The following UNC13C variants were observed in gnomAD, a reference collection of about 807,000 sequenced individuals.
UNC13C encodes the protein unc-13 homolog C, also known as protein unc-13 homolog C.
UNC13C carries 174 observed loss-of-function variants against 245.4 expected under a neutral mutation model. The observed-to-expected ratio is 0.71, with a 90% confidence interval of 0.63 to 0.80. UNC13C has a LOEUF of 0.80. Ranked by LOEUF, UNC13C falls within the 30% of genes least tolerant of loss-of-function variation. The probability of loss-of-function intolerance (pLI) is 0.00; values close to 1 mark genes in which losing one functional copy is unlikely to be tolerated. For synonymous variants in UNC13C, 992 were observed against 895.1 expected (o/e 1.11, Z -1.93); for missense variants, 2,829 against 2,602.9 (o/e 1.09, Z -1.89).
chr15:54,554,359 C>T (rs1425148050), intron 28 of UNC13C, among the ~76,000 whole-genome samples: 1 of 151,988 alleles, frequency 6.6e-6, no homozygotes, highest in Non-Finnish European at 1.5e-5. Context: ...AAAATGCATA[C>T]CTAAAGGAGC....
chr15:54,520,563 C>T (rs1250567659), intron 24 of UNC13C, among the ~76,000 whole-genome samples: 1 of 151,692 alleles, frequency 6.6e-6, no homozygotes, highest in African/African-American at 2.4e-5. Flanking sequence ...AAGGGGAGTA[C>T]AGAGTAAAAA....
chr15:54,453,550 C>A (rs143645377), intron 19 of UNC13C, among the ~76,000 whole-genome samples: 1 of 152,290 alleles, frequency 6.6e-6, no homozygotes, highest in African/African-American at 2.4e-5. Context: ...TTTTTAAGTA[C>A]TGTAAATAAT....
chr15:54,007,142 A>T (rs1895175644), intron 1 of UNC13C, among the ~76,000 whole-genome samples: 2 of 152,200 alleles, frequency 1.3e-5, no homozygotes, highest in African/African-American at 4.8e-5. Context: ...GCATTTACTG[A>T]TGAGGTGCTG....
chr15:54,547,636 T>C (rs956191881), intron 27 of UNC13C, among the ~76,000 whole-genome samples: 2 of 152,224 alleles, frequency 1.3e-5, no homozygotes, highest in African/African-American at 4.8e-5. Flanking sequence ...GAAAACACTT[T>C]CTTATAAAGT....
chr15:54,362,215 C>T (rs1161891289), intron 17 of UNC13C, among the ~76,000 whole-genome samples: 1 of 152,228 alleles, frequency 6.6e-6, no homozygotes, highest in Non-Finnish European at 1.5e-5. Flanking sequence ...CACTCCCAGT[C>T]TTTCCAGTGG....
rs1203465340 is a variant in UNC13C at position 54,626,955 on chromosome 15, G to C, written c.6487G>C (p.Gly2163Arg). The C allele has an allele frequency of 1.9e-6, 3 of 1,613,460 alleles. No individual in the cohort carries two copies. The change falls in exon 33 of 33, where the codon GGA (glycine) becomes CGA (arginine). Residue 2163 changes from glycine to arginine, a missense_variant. Transcript: ENST00000260323. ...VIQLQNIAEKGSYGAWYPLLK... is the reference protein window; with the variant it reads ...VIQLQNIAEKRSYGAWYPLLK... ...TCAGCTACAGAACATAGCAGAAAAG[G>C]GAAGCTATGGGGCATGGTATCCTCT...
At chr15:54,474,244 A>C (rs930174798) in intron 19 of UNC13C, among the ~76,000 whole-genome samples, 1 of 151,920 alleles carries the variant, frequency 6.6e-6, no homozygotes, top group African/African-American at 2.4e-5. Flanking sequence ...TTTTATGATA[A>C]ATCTTCATAC....
intron 28 of UNC13C, among the ~76,000 whole-genome samples, chr15:54,554,016 G>C (rs913746567): frequency 6.6e-6 from 1 of 151,902 alleles, no homozygotes; most frequent in Non-Finnish European, 1.5e-5. Context: ...CCCCGTATCA[G>C]AGAAAGATTC....
Position 54,317,214 on chromosome 15 carries a change from AC to A in UNC13C, c.4269-4724del, listed in dbSNP as rs1014843244. Among the ~76,000 whole-genome samples the A allele has an allele frequency of 2.6e-5, 4 of 152,066 alleles. No individual in the cohort carries two copies. In the South Asian group the frequency reaches 6.2e-4, roughly 24 times the overall value. On this transcript the variant is annotated intron_variant, in intron 13 of 32. Coordinates refer to ENST00000260323, the MANE Select transcript of UNC13C (RefSeq NM_001080534.3). ...AGCTTAAAGTGTGAATGTAAGTTGGACATTACTTTTTTCTAACTTTTCTGTG... is the reference window on the plus strand; with the variant it reads ...AGCTTAAAGTGTGAATGTAAGTTGGAATTACTTTTTTCTAACTTTTCTGTG...
In UNC13C at chr15:54,309,306, A is replaced by T. The variant is rs532776032; in HGVS notation, c.4268+8933A>T. 2.6e-5 allele frequency among the ~76,000 whole-genome samples: 4 copies of T among 151,990 alleles called. No homozygotes were observed. The East Asian group carries it at 7.8e-4, about 30-fold the overall frequency. On this transcript the variant is annotated intron_variant, in intron 13 of 32. Transcript: ENST00000260323. ...TATTGGGCATTTGTATGTCTTCTTCAGGGAAATATCTATTCAGATCCTTTG... is the reference window on the plus strand; with the variant it reads ...TATTGGGCATTTGTATGTCTTCTTCTGGGAAATATCTATTCAGATCCTTTG...
chr15:54,271,994 G>A (rs1004928569), intron 10 of UNC13C, among the ~76,000 whole-genome samples: 3 of 152,118 alleles, frequency 2.0e-5, no homozygotes, highest in Non-Finnish European at 2.9e-5. Flanking sequence ...GTGATTCCAC[G>A]TTATACAAAA....
chr15:54,046,813 C>T (rs1206811515), intron 2 of UNC13C, among the ~76,000 whole-genome samples: 1 of 151,798 alleles, frequency 6.6e-6, no homozygotes, highest in African/African-American at 2.4e-5. Context: ...TACAAGTACA[C>T]TCTTGTACCC....
chr15:54,502,464 T>C (rs1172718597), intron 22 of UNC13C, among the ~76,000 whole-genome samples: 1 of 152,152 alleles, frequency 6.6e-6, no homozygotes, highest in Non-Finnish European at 1.5e-5. Context: ...TAGCCAGTAA[T>C]CATTTATTTA....
intron 19 of UNC13C, among the ~76,000 whole-genome samples, chr15:54,447,091 G>A (rs970693183): frequency 5.9e-5 from 9 of 152,136 alleles, no homozygotes; most frequent in South Asian, 4.1e-4. Flanking sequence ...GCTGGATTAC[G>A]TTTATTGATT....
intron 19 of UNC13C, among the ~76,000 whole-genome samples, chr15:54,446,462 T>G (rs568079098): frequency 2.0e-5 from 3 of 152,240 alleles, no homozygotes; most frequent in Admixed American, 6.5e-5. Flanking sequence ...TGTCCTCTTT[T>G]ATTTCGTTGA....
intron 19 of UNC13C, among the ~76,000 whole-genome samples, chr15:54,454,375 G>A (rs12912254): frequency 0.39 from 59,250 of 151,606 alleles, 11,866 homozygotes; most frequent in East Asian, 0.62. Context: ...TCAGGAGTTC[G>A]AGACCAGCCT....
chr15:53,857,594 G>T, the UNC13C span, among the ~76,000 whole-genome samples: 2 of 152,194 alleles, frequency 1.3e-5, no homozygotes, highest in African/African-American at 4.8e-5. Context: ...CTATTGAGCA[G>T]AATGACCCTA....
intron 32 of UNC13C, among the ~76,000 whole-genome samples, chr15:54,624,163 A>G (rs1900990309): frequency 6.6e-6 from 1 of 152,192 alleles, no homozygotes; most frequent in Admixed American, 6.6e-5. Context: ...AGGTGTCTGA[A>G]TCAATCTTTT....
At chr15:54,524,848 A>G (rs915419759) in intron 24 of UNC13C, among the ~76,000 whole-genome samples, 1 of 152,212 alleles carries the variant, frequency 6.6e-6, no homozygotes, top group African/African-American at 2.4e-5. Flanking sequence ...CTAAATTTCT[A>G]AAGGTAGAAA....
Sources: allele counts gnomAD v4.1 joint callset (sites outside exome capture counted in the v4.1 genomes callset), GRCh38; gene constraint gnomAD v4.1.1; transcripts MANE v1.5; gene names NCBI Gene and HGNC (gene_info 2026-07-23, HGNC 2026-07-21).